ADCY2: variants seen among roughly 807,000 people sequenced by gnomAD.
ADCY2 encodes adenylate cyclase type 2.
ADCY2 carries 31 observed loss-of-function variants against 125.2 expected under a neutral mutation model. That is an observed-to-expected ratio of 0.25 (90% CI 0.19 to 0.33). The LOEUF (loss-of-function observed/expected upper bound fraction) is 0.33. Ranked by LOEUF, ADCY2 falls within the 10% of genes least tolerant of loss-of-function variation. ADCY2 has a pLI of 1.00. For missense variants in ADCY2, 904 were observed against 1,418.2 expected, an observed-to-expected ratio of 0.64 and a Z score of 5.82; for synonymous variants, 512 against 548.4, an observed-to-expected ratio of 0.93 and a Z score of 0.93.
At chr5:7,513,807 A>G (rs568060287) in intron 2 of ADCY2, among the ~76,000 whole-genome samples, 4 of 152,304 alleles carry the variant, frequency 2.6e-5, no homozygotes, top group African/African-American at 9.6e-5. Context: ...TTAAGTTACT[A>G]CTGTAAATAC....
In ADCY2 at chr5:7,773,090, C is replaced by G; in HGVS notation, c.2373C>G (p.Val791=). The change falls in exon 18 of 25, where the codon GTC becomes GTG. Residue 791 remains valine, a synonymous_variant. Coordinates refer to ENST00000338316, the MANE Select transcript of ADCY2 (RefSeq NM_020546.3). ...ACGTCCTGGGCGACTACAGCCAGGT[C>G]TTATTTGAGAGGTGAGCCACGGCCT... The part of the protein sequence containing the change: ...HAHVLGDYSQ[V]LFERPGIWKD... 1 of 1,613,930 alleles carries G rather than the reference C, an allele frequency of 6.2e-7. No individual in the cohort carries two copies. The highest frequency in any genetic ancestry group is 8.5e-7 in the Non-Finnish European group (1 of 1,179,906).
chr5:7,459,332 C>A (rs1465333361), intron 2 of ADCY2, among the ~76,000 whole-genome samples: 1 of 152,150 alleles, frequency 6.6e-6, no homozygotes, highest in Non-Finnish European at 1.5e-5. Context: ...TAACCCCAGT[C>A]CAAAGGATTG....
At chr5:7,666,489 C>G (rs181794151) in intron 4 of ADCY2, among the ~76,000 whole-genome samples, 1 of 151,976 alleles carries the variant, frequency 6.6e-6, no homozygotes, top group African/African-American at 2.4e-5. Context: ...AGGATGGTCT[C>G]GATCTCCGGA....
intron 3 of ADCY2, among the ~76,000 whole-genome samples, chr5:7,603,542 G>T (rs1307335760): frequency 6.6e-6 from 1 of 152,142 alleles, no homozygotes; most frequent in East Asian, 1.9e-4. Flanking sequence ...CTTAGAATGT[G>T]GTGGTGTAAC....
intron 3 of ADCY2, among the ~76,000 whole-genome samples, chr5:7,603,296 T>C (rs1737276584): frequency 6.6e-6 from 1 of 152,104 alleles, no homozygotes; most frequent in Non-Finnish European, 1.5e-5. Context: ...GGAAAGGTCT[T>C]GAAGAGCTGA....
At chr5:7,470,610 A>G (rs1579476231) in intron 2 of ADCY2, among the ~76,000 whole-genome samples, 1 of 146,262 alleles carries the variant, frequency 6.8e-6, no homozygotes, top group South Asian at 2.1e-4. Context: ...CTATTTATAT[A>G]TAGTTTTAAA....
rs6861922 is a variant in ADCY2, at chr5:7,421,416, A to G, written c.408+6646A>G. Among the ~76,000 whole-genome samples, 385 of 152,320 alleles carry G rather than the reference A, an allele frequency of 2.5e-3. 1 individual carries two copies. The highest frequency in any genetic ancestry group is 8.9e-3 in the African/African-American group (368 of 41,562). ...CTGGTATTCCTTGGCTTGCAGACAC[A>G]TCACTCCATCTCTGCCTCCGTCTTC... On this transcript the variant is annotated intron_variant, in intron 2 of 24. Transcript: ENST00000338316.
chr5:7,631,265 T>C (rs1018683244), intron 4 of ADCY2, among the ~76,000 whole-genome samples: 3 of 152,208 alleles, frequency 2.0e-5, no homozygotes, highest in Non-Finnish European at 2.9e-5. Context: ...TGGTTTGCCA[T>C]GTAACCTAAC....
chr5:7,802,297 C>A lies in ADCY2; in HGVS notation c.2708C>A (p.Ser903Tyr). ...GATTTCAAAGAATTTTATACAGAAT[C>A]CGACGTGAACAAGGAGGGCTTGGAA... is the stretch of plus-strand genomic sequence containing the variant. ...IPDFKEFYTESDVNKEGLECL... is the reference protein window; with the variant it reads ...IPDFKEFYTEYDVNKEGLECL... Residue 903 changes from serine (S) to tyrosine (Y), a missense_variant, in exon 21 of 25, where the codon TCC becomes TAC. Physicochemically the swap from Ser to Tyr is moderately radical, Grantham distance 144. Coordinates refer to ENST00000338316, the MANE Select transcript of ADCY2 (RefSeq NM_020546.3). This position sits in a 1 kb window ranked among gnomAD's most constrained non-coding sequence, Gnocchi z 4.6. 1 of 1,614,182 alleles carries A rather than the reference C, an allele frequency of 6.2e-7. No homozygotes were observed. Among genetic ancestry groups the A allele is most frequent in the Non-Finnish European group, 8.5e-7 (1 of 1,180,018 alleles).
intron 4 of ADCY2, among the ~76,000 whole-genome samples, chr5:7,687,418 G>T (rs1740554433): frequency 6.6e-6 from 1 of 152,126 alleles, no homozygotes; most frequent in South Asian, 2.1e-4. Context: ...AAGTCTGTTA[G>T]GTTTACCACA....
chr5:7,602,043 G>C (rs1737229337), intron 3 of ADCY2, among the ~76,000 whole-genome samples: 1 of 152,160 alleles, frequency 6.6e-6, no homozygotes, highest in South Asian at 2.1e-4. Flanking sequence ...TGCAACCTCT[G>C]TCTGTATCTT....
At chr5:7,684,931 T>C (rs1740465415) in intron 4 of ADCY2, among the ~76,000 whole-genome samples, 1 of 152,202 alleles carries the variant, frequency 6.6e-6, no homozygotes, top group African/African-American at 2.4e-5. Flanking sequence ...GACTTTAATA[T>C]GCACAAAACA....
intron 2 of ADCY2, among the ~76,000 whole-genome samples, chr5:7,512,775 C>A (rs1046331785): frequency 6.6e-6 from 1 of 152,068 alleles, no homozygotes; most frequent in Admixed American, 6.5e-5. Flanking sequence ...CAGCCTGCAG[C>A]CCCATGTGAA....
At chr5:7,624,654 T>G (rs1436812066) in intron 3 of ADCY2, among the ~76,000 whole-genome samples, 1 of 152,240 alleles carries the variant, frequency 6.6e-6, no homozygotes, top group Non-Finnish European at 1.5e-5. Flanking sequence ...GCTATGATTC[T>G]CTGTTCAGTC....
intron 7 of ADCY2, among the ~76,000 whole-genome samples, chr5:7,704,899 G>T (rs1741216565): frequency 6.6e-6 from 1 of 150,862 alleles, no homozygotes; most frequent in Non-Finnish European, 1.5e-5. Context: ...AAAAAAAATT[G>T]TGGCTAATTG....
At chr5:7,560,337 A>G (rs543939586) in intron 3 of ADCY2, among the ~76,000 whole-genome samples, 57 of 152,320 alleles carry the variant, frequency 3.7e-4, no homozygotes, top group African/African-American at 1.3e-3. Context: ...TCATTTTTAA[A>G]GATGGTATGA....
In ADCY2 at chr5:7,675,311, A is replaced by G. The variant is rs115543652; in HGVS notation, c.721-15380A>G. On this transcript the variant is annotated intron_variant, in intron 4 of 24. Coordinates refer to ENST00000338316, the MANE Select transcript of ADCY2 (RefSeq NM_020546.3). ...ATGGTTATCAAAAAATGGAACCATA[A>G]TTATTGATCATTATTAAATAAGTGA... 4.2e-3 allele frequency among the ~76,000 whole-genome samples: 634 copies of G among 152,334 alleles called. 3 individuals are homozygous for G. Among genetic ancestry groups the G allele is most frequent in the African/African-American group, 0.014 (583 of 41,578 alleles).
At position 7,658,429 on chromosome 5, in the gene ADCY2, G is replaced by GTA. The variant is rs767492689; in HGVS notation, c.720+32114_720+32115insAT. ...TGTGTGTGTGTGTGTGTGTGTGTGT[G>GTA]TGTATATATATATATATTTGAGATG... On this transcript the variant is annotated intron_variant, in intron 4 of 24. Transcript: ENST00000338316. Among the ~76,000 whole-genome samples, 172 of 127,064 alleles carry GTA rather than the reference G, an allele frequency of 1.4e-3. No individual in the cohort carries two copies. The East Asian group carries it at 0.014, about 10-fold the overall frequency. The allele number at this position is 127,064 out of a possible 152,430, so 83.4% of individuals were successfully genotyped here. A position where few individuals can be genotyped will look rare whatever the true frequency, so the allele number is the denominator to read the frequency against.
intron 3 of ADCY2, among the ~76,000 whole-genome samples, chr5:7,582,054 A>G (rs1191005715): frequency 1.3e-5 from 2 of 152,174 alleles, no homozygotes; most frequent in Non-Finnish European, 2.9e-5. Context: ...TAGTATAAAG[A>G]CACGGGTTAA....
Sources: allele counts gnomAD v4.1 joint callset (sites outside exome capture counted in the v4.1 genomes callset), GRCh38; gene constraint gnomAD v4.1.1; non-coding constraint Gnocchi (gnomAD v3.1); transcripts MANE v1.5; gene names NCBI Gene and HGNC (gene_info 2026-07-23, HGNC 2026-07-21).